SMC5: variants seen among roughly 807,000 people sequenced by gnomAD.
SMC5 encodes structural maintenance of chromosomes protein 5.
In SMC5, 88 loss-of-function variants were observed where a neutral mutation model predicts 148.3. The observed-to-expected ratio is 0.59, with a 90% CI of 0.50 to 0.71. The LOEUF is 0.71. SMC5 is among the 30% of genes least tolerant of loss of function. The probability of loss-of-function intolerance (pLI) is 0.00; values close to 1 mark genes in which losing one functional copy is unlikely to be tolerated. For synonymous variants in SMC5, 421 were observed against 432.8 expected, an observed-to-expected ratio of 0.97 and a Z score of 0.34; for missense variants, 1,142 against 1,298.9, an observed-to-expected ratio of 0.88 and a Z score of 1.86.
At chr9:70,329,259 A>G (rs2036162937) in intron 17 of SMC5, among the ~76,000 whole-genome samples, 1 of 152,142 alleles carries the variant, frequency 6.6e-6, no homozygotes, top group Non-Finnish European at 1.5e-5. Context: ...TTTCTACTGC[A>G]TGGTTGGGCT....
At chr9:70,314,552 G>T (rs1282621771) in intron 11 of SMC5, among the ~76,000 whole-genome samples, 190 bp from the exon 12 acceptor site, 2 of 150,964 alleles carry the variant, frequency 1.3e-5, no homozygotes, top group East Asian at 3.9e-4. Flanking sequence ...AAAAGAAGTG[G>T]ACTCTTTTTA....
chr9:70,350,570 C>A, intron 24 of SMC5, 99 bp downstream of exon 24: 1 of 701,928 alleles, frequency 1.4e-6, no homozygotes, highest in South Asian at 2.5e-5. Context: ...AGCAGGAACA[C>A]TCCCAAAAAA....
In SMC5 at chr9:70,350,167, T is replaced by C; in HGVS notation, c.2943T>C (p.Thr981=). 1 of 1,613,198 alleles carries C rather than the reference T, an allele frequency of 6.2e-7. No individual in the cohort carries two copies. The change falls in exon 23 of 25, where the codon ACT becomes ACC. Residue 981 remains threonine, a synonymous_variant. Transcript: ENST00000361138. ...TTAGAGTCAAATTTCGAAGTAGTAC[T>C]CAACTGCATGAATTAACTCCTCATC... is the stretch of plus-strand genomic sequence containing the variant. ...IRIRVKFRSS[T]QLHELTPHHQ...
At chr9:70,314,886 T>C (rs771104467) in intron 12 of SMC5, 50 bp downstream of exon 12, 1 of 1,107,962 alleles carries the variant, frequency 9.0e-7, no homozygotes, top group Non-Finnish European at 1.3e-6. Context: ...TTATTCAACA[T>C]TTATTGTTAC....
At chr9:70,338,678 T>C (rs1370038684) in intron 17 of SMC5, among the ~76,000 whole-genome samples, 1 of 152,226 alleles carries the variant, frequency 6.6e-6, no homozygotes, top group Non-Finnish European at 1.5e-5. Flanking sequence ...TTCCTACCAT[T>C]GTTCATAACC....
At chr9:70,334,757 A>G (rs2036316711) in intron 17 of SMC5, among the ~76,000 whole-genome samples, 1 of 152,208 alleles carries the variant, frequency 6.6e-6, no homozygotes, top group Non-Finnish European at 1.5e-5. Flanking sequence ...TATCAATACA[A>G]AGAAAACCAA....
intron 17 of SMC5, among the ~76,000 whole-genome samples, chr9:70,333,753 C>G (rs1425615689): frequency 6.6e-6 from 1 of 151,866 alleles, no homozygotes. Flanking sequence ...GAAAAAAATA[C>G]TAGGGATATA....
intron 3 of SMC5, among the ~76,000 whole-genome samples, chr9:70,273,165 T>C (rs2034496872): frequency 6.6e-6 from 1 of 150,894 alleles, no homozygotes; most frequent in Admixed American, 6.6e-5. Flanking sequence ...TGTTATAGGG[T>C]GTCTTGCAAA....
chr9:70,319,793 C>G (rs1445713028), intron 15 of SMC5, among the ~76,000 whole-genome samples: 1 of 152,108 alleles, frequency 6.6e-6, no homozygotes, highest in Non-Finnish European at 1.5e-5. Flanking sequence ...ACTGGTTCAT[C>G]AAGTCACATA....
chr9:70,334,038 G>A (rs1011447750), intron 17 of SMC5, among the ~76,000 whole-genome samples: 5 of 151,530 alleles, frequency 3.3e-5, no homozygotes, highest in Non-Finnish European at 5.9e-5. Flanking sequence ...CAACAATCAA[G>A]ACATTGTATC....
Position 70,277,586 on chromosome 9 carries a change from A to G in SMC5, c.543+114A>G, listed in dbSNP as rs941112830. The G allele has an allele frequency of 5.2e-6, 4 of 768,126 alleles. No individual in the cohort carries two copies. The African/African-American group carries it at 7.3e-5, about 14-fold the overall frequency. 47.6% of individuals were successfully genotyped at this position (768,126 alleles called of 1,614,324 possible). A position where few individuals can be genotyped will look rare whatever the true frequency, so the allele number is the denominator to read the frequency against. On this transcript the variant is annotated intron_variant, in intron 4 of 24. Transcript: ENST00000361138. ...TTTAAATTGAACATAGCACTCTTAC[A>G]GTTCTTTGTAAAGGTAGCATTTCAT... is the stretch of plus-strand genomic sequence containing the variant.
intron 17 of SMC5, among the ~76,000 whole-genome samples, chr9:70,337,883 T>G (rs1281117511): frequency 1.3e-5 from 2 of 152,106 alleles, no homozygotes; most frequent in African/African-American, 2.4e-5. Flanking sequence ...ACAGCCACTT[T>G]CAAATTTAAA....
rs762770470 is a variant in SMC5, at chr9:70,298,128, G to T, written c.1216G>T (p.Asp406Tyr). 1 of 1,614,040 alleles carries T rather than the reference G, an allele frequency of 6.2e-7. No homozygotes were observed. Among genetic ancestry groups the T allele is most frequent in the Admixed American group, 1.7e-5 (1 of 60,020 alleles). The change falls in exon 9 of 25, where the codon GAT (aspartate) becomes TAT (tyrosine). Residue 406 changes from aspartate (D) to tyrosine (Y), a missense_variant. Transcript: ENST00000361138. The stretch of plus-strand genomic sequence containing the variant: ...GCCCCAGATTGATGCCATTACAAAT[G>T]ATCTGAGACGGATTCAGGATGAAAA... ...LQPQIDAITNDLRRIQDEKAL... is the reference protein window; with the variant it reads ...LQPQIDAITNYLRRIQDEKAL...
chr9:70,264,448 G>C lies in SMC5; in HGVS notation c.327+3G>C, dbSNP rs1298676170. On this transcript the variant is annotated splice_donor_region_variant and intron_variant, in intron 2 of 24. Coordinates refer to ENST00000361138, the MANE Select transcript of SMC5 (RefSeq NM_015110.4). The stretch of plus-strand genomic sequence containing the variant: ...CTTTCATGGGACGAGCAGATAAGGT[G>C]AGTTAATATAATTACTTTTTAAGAA... The C allele has an allele frequency of 1.2e-6, 2 of 1,609,412 alleles. No homozygotes were observed. Among genetic ancestry groups the C allele is most frequent in the African/African-American group, 2.7e-5 (2 of 74,694 alleles).
chr9:70,333,241 G>T (rs966755317), intron 17 of SMC5, among the ~76,000 whole-genome samples: 4 of 152,222 alleles, frequency 2.6e-5, no homozygotes, highest in Middle Eastern at 3.4e-3. Context: ...ATTCATTGCG[G>T]CCCCACCTAC....
At chr9:70,306,419 G>A (rs1388731586) in intron 11 of SMC5, among the ~76,000 whole-genome samples, 3 of 152,112 alleles carry the variant, frequency 2.0e-5, no homozygotes, top group African/African-American at 7.2e-5. Context: ...TGAACATAAA[G>A]GTGACTGGAT....
chr9:70,305,224 C>T, intron 10 of SMC5, 23 bp from the exon 11 acceptor site: 4 of 1,125,266 alleles, frequency 3.6e-6, no homozygotes, highest in African/African-American at 1.6e-5. Flanking sequence ...TGAAATTCGA[C>T]CTTTTTTTGC....
intron 11 of SMC5, among the ~76,000 whole-genome samples, chr9:70,312,914 A>G (rs2035697160): frequency 6.6e-6 from 1 of 152,160 alleles, no homozygotes; most frequent in African/African-American, 2.4e-5. Context: ...AGAGTTTGGT[A>G]TAAGAGTTAT....
At position 70,347,660 on chromosome 9, in the gene SMC5, T is replaced by C; in HGVS notation, c.2712T>C (p.Thr904=). 1 of 1,586,882 alleles carries C rather than the reference T, an allele frequency of 6.3e-7. No homozygotes were observed. Among genetic ancestry groups the C allele is most frequent in the Non-Finnish European group, 8.5e-7 (1 of 1,171,428 alleles). Residue 904 remains threonine (T), a synonymous_variant, in exon 21 of 25, where the codon ACT becomes ACC. Transcript: ENST00000361138. ...TKREEEIEQL[T]EELKGKKVEL... is the part of the protein sequence containing the mutation. ...GAGAAGAAGAAATAGAACAGTTAAC[T>C]GAGGAACTAAAGGGAAAGAAAGTTG...
Sources: allele counts gnomAD v4.1 joint callset (sites outside exome capture counted in the v4.1 genomes callset), GRCh38; gene constraint gnomAD v4.1.1; transcripts MANE v1.5; gene names NCBI Gene and HGNC (gene_info 2026-07-23, HGNC 2026-07-21).